Variants in THSD4 observed in about 807,000 individuals in gnomAD.
THSD4 encodes thrombospondin type 1 domain containing 4, also known as thrombospondin type-1 domain-containing protein 4.
Under a neutral mutation model 119.0 loss-of-function variants are expected in THSD4, and 69 were observed. The ratio of observed to expected loss-of-function variants is 0.58; its 90% CI spans 0.48 to 0.71. The LOEUF is 0.71. Ranked by LOEUF, THSD4 falls within the 30% of genes least tolerant of loss-of-function variation. The pLI, the probability that THSD4 is intolerant of heterozygous loss-of-function variation, is 0.00. For synonymous variants in THSD4, 524 were observed against 540.4 expected, an observed-to-expected ratio of 0.97 and a Z score of 0.42; for missense variants, 1,393 against 1,391.1, an observed-to-expected ratio of 1.00 and a Z score of -0.02.
At chr15:71,435,157 G>A (rs1011302647) in intron 7 of THSD4, among the ~76,000 whole-genome samples, 2 of 151,952 alleles carry the variant, frequency 1.3e-5, no homozygotes, top group Non-Finnish European at 2.9e-5. Flanking sequence ...CCTTATAAAT[G>A]TTTCATTTTT....
In THSD4 at chr15:71,318,629, T is replaced by C. The variant is rs75715478; in HGVS notation, c.1015+61914T>C. On this transcript the variant is annotated intron_variant, in intron 6 of 17. Coordinates refer to ENST00000261862, the MANE Select transcript of THSD4 (RefSeq NM_024817.3). ...CAGACCAACACAAACCAGGGGCCTG[T>C]AGCTGAGGCTGGGACTCAGCCCATC... Among the ~76,000 whole-genome samples the C allele has an allele frequency of 3.9e-3, 593 of 152,288 alleles. 2 individuals carry two copies. Among genetic ancestry groups the C allele is most frequent in the African/African-American group, 0.013 (542 of 41,556 alleles).
chr15:71,110,984 G>T, upstream of THSD4: 1 of 698,828 alleles, frequency 1.4e-6, no homozygotes, highest in Non-Finnish European at 2.4e-6. Context: ...ACTGGAGGCT[G>T]CCAGCCCCGC....
intron 7 of THSD4, among the ~76,000 whole-genome samples, chr15:71,517,236 C>T (rs2048374094): frequency 6.6e-6 from 1 of 152,180 alleles, no homozygotes; most frequent in Non-Finnish European, 1.5e-5. Flanking sequence ...TAATGGATCA[C>T]TTCAGTCTGC....
intron 5 of THSD4, among the ~76,000 whole-genome samples, chr15:71,243,689 C>A (rs1380256308): frequency 1.3e-5 from 2 of 151,694 alleles, no homozygotes; most frequent in East Asian, 3.9e-4. Flanking sequence ...CTTTGGATAT[C>A]AGTTCAATAA....
chr15:71,680,908 T>C (rs1032810989), intron 8 of THSD4, among the ~76,000 whole-genome samples: 13 of 151,512 alleles, frequency 8.6e-5, no homozygotes, highest in Admixed American at 5.9e-4. Context: ...CAGATGTCAT[T>C]ACTAGTAATT....
intron 7 of THSD4, among the ~76,000 whole-genome samples, chr15:71,623,070 T>A (rs1032746501): frequency 6.6e-6 from 1 of 152,054 alleles, no homozygotes; most frequent in Non-Finnish European, 1.5e-5. Context: ...CTGAAAAATA[T>A]TGAGCAGAGG....
chr15:71,768,439 C>T (rs1595933042), intron 16 of THSD4, among the ~76,000 whole-genome samples: 1 of 152,216 alleles, frequency 6.6e-6, no homozygotes, highest in African/African-American at 2.4e-5. Context: ...ACCCCACCAC[C>T]GCAACCAAAA....
chr15:71,250,780 C>T (rs1418102917), intron 5 of THSD4, among the ~76,000 whole-genome samples: 9 of 151,870 alleles, frequency 5.9e-5, no homozygotes, highest in Admixed American at 3.3e-4. Context: ...GAAGGGATCT[C>T]GAATATTTAA....
chr15:71,539,964 G>A (rs1048252218), intron 7 of THSD4, among the ~76,000 whole-genome samples: 2 of 152,088 alleles, frequency 1.3e-5, no homozygotes, highest in African/African-American at 4.8e-5. Flanking sequence ...ATAATCAGAG[G>A]ATATCTGGAG....
chr15:71,704,852 A>T (rs1423586021), intron 8 of THSD4, among the ~76,000 whole-genome samples: 1 of 152,224 alleles, frequency 6.6e-6, no homozygotes, highest in Non-Finnish European at 1.5e-5. Flanking sequence ...TGTGACGTGC[A>T]GACACGGCAA....
At chr15:71,561,517 G>C (rs2049116605) in intron 7 of THSD4, among the ~76,000 whole-genome samples, 1 of 152,128 alleles carries the variant, frequency 6.6e-6, no homozygotes, top group African/African-American at 2.4e-5. Flanking sequence ...AGAAGAATGA[G>C]AGGGAATTAA....
intron 6 of THSD4, among the ~76,000 whole-genome samples, chr15:71,345,430 G>A (rs1016732207): frequency 6.6e-6 from 1 of 152,224 alleles, no homozygotes; most frequent in South Asian, 2.1e-4. Flanking sequence ...TTCTTCAAAC[G>A]GAGCTGGTGC....
At chr15:71,293,814 G>A (rs1319317879) in intron 6 of THSD4, among the ~76,000 whole-genome samples, 4 of 152,020 alleles carry the variant, frequency 2.6e-5, no homozygotes, top group East Asian at 3.9e-4. Flanking sequence ...GGGAGAGGAG[G>A]TGTAAGATGG....
At chr15:71,176,083 T>C (rs1403282140) in intron 3 of THSD4, among the ~76,000 whole-genome samples, 4 of 142,772 alleles carry the variant, frequency 2.8e-5, no homozygotes, top group African/African-American at 1.1e-4. Context: ...CATCAACTAA[T>C]GAGCAAAATC....
chr15:71,729,042 C>T (rs2052922198), intron 9 of THSD4: 1 of 358,872 alleles, frequency 2.8e-6, no homozygotes. Flanking sequence ...TGGATCTCCT[C>T]CAGGCACTTT....
rs547928462 is a variant in THSD4 at position 71,130,945 on chromosome 15, C to T, written c.-79-10504C>T. Among the ~76,000 whole-genome samples the T allele has an allele frequency of 6.4e-4, 98 of 151,964 alleles. 1 individual carries two copies. The highest frequency in any genetic ancestry group is 1.2e-3 in the Non-Finnish European group (80 of 68,004). The stretch of plus-strand genomic sequence containing the variant: ...ATTTTTAGTAGAGACGGGGTTTCAC[C>T]GTGTTAGCCAGGATGGTCTCAATCT... On this transcript the variant is annotated intron_variant, in intron 1 of 17. Transcript: ENST00000261862.
intron 7 of THSD4, among the ~76,000 whole-genome samples, chr15:71,566,712 A>G (rs2049246842): frequency 6.6e-6 from 1 of 151,366 alleles, no homozygotes; most frequent in South Asian, 2.1e-4. Flanking sequence ...CTGGTTTATA[A>G]ATTGGCCTCT....
intron 7 of THSD4, among the ~76,000 whole-genome samples, chr15:71,557,972 A>G (rs182378671): frequency 1.3e-5 from 2 of 151,870 alleles, no homozygotes; most frequent in African/African-American, 2.4e-5. Flanking sequence ...ATTCCATTCA[A>G]TTCTGCTCTT....
At chr15:71,605,306 C>T (rs115321480) in intron 7 of THSD4, among the ~76,000 whole-genome samples, 1,892 of 152,304 alleles carry the variant, frequency 0.012, 39 homozygotes, top group African/African-American at 0.044. Flanking sequence ...ATTATCAAAA[C>T]GTCCTGGTTT....
Sources: gnomAD v4.1 joint callset for allele counts (sites outside exome capture counted in the v4.1 genomes callset) on GRCh38, gnomAD v4.1.1 for gene constraint, MANE v1.5 for transcripts, NCBI Gene and HGNC (gene_info 2026-07-23, HGNC 2026-07-21) for gene names.